Variants in PLP2 observed in about 807,000 individuals in gnomAD.
PLP2 encodes A4 differentiation-dependent protein.
In PLP2, 8 loss-of-function variants were observed where a neutral mutation model predicts 11.4. The ratio of observed to expected loss-of-function variants is 0.70; its 90% CI spans 0.41 to 1.27. PLP2 has a LOEUF of 1.27. Among genes scored for constraint, PLP2 ranks in the 50% most tolerant of loss-of-function variants. PLP2 has a pLI of 0.01. For synonymous variants in PLP2, 50 were observed against 53.2 expected (o/e 0.94, Z 0.26); for missense variants, 127 against 123.5 (o/e 1.03, Z -0.14).
intron 1 of PLP2, among the ~76,000 whole-genome samples, chrX:49,172,495 GC>G (rs1259493884): frequency 9.0e-6 from 1 of 111,319 alleles, no homozygotes; most frequent in Non-Finnish European, 1.9e-5. Flanking sequence ...TTGGGGTGGG[GC>G]CCCCCCGCCC....
chrX:49,173,785 C>T (rs1257528348), intron 3 of PLP2: 5 of 448,493 alleles, frequency 1.1e-5, no homozygotes, highest in Admixed American at 3.9e-5. Flanking sequence ...AAATTGGGGC[C>T]GGGCGCAGTG....
chrX:49,174,429 A>AGTAAGT lies in PLP2; in HGVS notation c.436+6_436+7insAAGTGT. 2 of 923,636 alleles carry AGTAAGT rather than the reference A, an allele frequency of 2.2e-6. No individual in the cohort carries two copies. Among genetic ancestry groups the AGTAAGT allele is most frequent in the Non-Finnish European group, 3.0e-6 (2 of 660,171 alleles). 76.1% of individuals were successfully genotyped at this position (923,636 alleles called of 1,213,427 possible). On this transcript the variant is annotated splice_donor_region_variant and intron_variant, in intron 4 of 4. Transcript: ENST00000376327. ...AGACATACAGCAGCCCCCACTGGTA[A>AGTAAGT]GTGTGTGTGTGTGTTGGTTGGGGGT... is the stretch of plus-strand genomic sequence containing the variant.
rs1298691497 is a variant in PLP2 at position 49,175,032 on chromosome X, C to T, written c.*338C>T. 2.6e-5 allele frequency: 10 copies of T among 381,358 alleles called. No homozygotes were observed. The highest frequency in any genetic ancestry group is 8.7e-5 in the East Asian group (2 of 23,060). The allele number at this position is 381,358 out of a possible 1,213,427, so 31.4% of individuals were successfully genotyped here. On this transcript the variant is annotated 3_prime_UTR_variant, in exon 5 of 5. Transcript: ENST00000376327. ...TGGGACCCACTCCAAATAATCTCCTCGGTGTGGGTGGTGGTTCTATAGAGG... is the reference window on the plus strand; with the variant it reads ...TGGGACCCACTCCAAATAATCTCCTTGGTGTGGGTGGTGGTTCTATAGAGG...
Position 49,173,477 on chromosome X carries a change from C to T in PLP2, c.339C>T (p.Val113=). 1.2e-5 allele frequency: 15 copies of T among 1,211,786 alleles called. No homozygotes were observed. Among genetic ancestry groups the T allele is most frequent in the Non-Finnish European group, 1.7e-5 (15 of 895,533 alleles). Reference sequence around the variant, plus strand: ...AGAGAGGAAACCACTCCAAAATCGTCGCAGGGGTAAAGGCCATGGGAGCAG... The same window carrying T: ...AGAGAGGAAACCACTCCAAAATCGTTGCAGGGGTAAAGGCCATGGGAGCAG... ...LVERGNHSKI[V]AGVLGLIATC... is the part of the protein sequence containing the mutation. The change falls in exon 3 of 5, where the codon GTC becomes GTT. Residue 113 remains valine, a synonymous_variant. Transcript: ENST00000376327.
In PLP2 at chrX:49,173,414, A is replaced by G. The variant is rs1557099462; in HGVS notation, c.276A>G (p.Ala92=). ...WSDFFRTLIA[A]ILYLITSIVV... ...ATTTCTTCCGAACCCTCATAGCGGC[A>G]ATCCTCTACCTGATCACCTCCATTG... The change falls in exon 3 of 5, where the codon GCA becomes GCG. Residue 92 remains alanine, a synonymous_variant. Coordinates refer to ENST00000376327, the MANE Select transcript of PLP2 (RefSeq NM_002668.3). 1 of 1,211,673 alleles carries G rather than the reference A, an allele frequency of 8.3e-7. No individual in the cohort carries two copies. The highest frequency in any genetic ancestry group is 1.7e-5 in the African/African-American group (1 of 57,793).
chrX:49,173,480 A>G lies in PLP2; in HGVS notation c.342A>G (p.Ala114=), dbSNP rs781924917. The G allele has an allele frequency of 1.7e-6, 2 of 1,211,780 alleles. No individual in the cohort carries two copies. Among genetic ancestry groups the G allele is most frequent in the South Asian group, 1.8e-5 (1 of 57,016 alleles). The change falls in exon 3 of 5, where the codon GCA becomes GCG. Residue 114 remains alanine, a synonymous_variant. Transcript: ENST00000376327. The part of the protein sequence containing the change: ...VERGNHSKIV[A]GVLGLIATCL... ...GAGGAAACCACTCCAAAATCGTCGC[A>G]GGGGTAAAGGCCATGGGAGCAGCTC...
At position 49,174,652 on chromosome X, in the gene PLP2, T is replaced by TAAA. The variant is rs782339544; in HGVS notation, c.437-20_437-19insAAA. 6 of 1,199,519 alleles carry TAAA rather than the reference T, an allele frequency of 5.0e-6. No individual in the cohort carries two copies. In the African/African-American group the frequency reaches 1.1e-4, roughly 21 times the overall value. ...GCATATAGATTCAGCCAATGCTTTC[T>TAAA]CTCTTTTCCTCACCTGCAGACCCCG... On this transcript the variant is annotated intron_variant, in intron 4 of 4. Transcript: ENST00000376327.
rs200730422 is a variant in PLP2, at chrX:49,174,429, A to AGTGT, written c.436+15_436+18dup. The AGTGT allele has an allele frequency of 8.6e-4, 786 of 913,434 alleles. No homozygotes were observed. Among genetic ancestry groups the AGTGT allele is most frequent in the South Asian group, 1.4e-3 (61 of 44,372 alleles). 75.3% of individuals were successfully genotyped at this position (913,434 alleles called of 1,213,427 possible). A position where few individuals can be genotyped will look rare whatever the true frequency, so the allele number is the denominator to read the frequency against. On this transcript the variant is annotated splice_donor_region_variant and intron_variant, in intron 4 of 4. Coordinates refer to ENST00000376327, the MANE Select transcript of PLP2 (RefSeq NM_002668.3). ...AGACATACAGCAGCCCCCACTGGTA[A>AGTGT]GTGTGTGTGTGTGTTGGTTGGGGGT...
Position 49,173,457 on chromosome X carries a change from G to C in PLP2, c.319G>C (p.Gly107Arg). 8.3e-7 allele frequency: 1 copy of C among 1,211,848 alleles called. No homozygotes were observed. The highest frequency in any genetic ancestry group is 1.1e-6 in the Non-Finnish European group (1 of 895,566). Residue 107 changes from glycine to arginine, a missense_variant, in exon 3 of 5, where the codon GGA becomes CGA. By Grantham distance (125) the Gly-to-Arg change is moderately radical. Coordinates refer to ENST00000376327, the MANE Select transcript of PLP2 (RefSeq NM_002668.3). The stretch of plus-strand genomic sequence containing the variant: ...CTCCATTGTTGTCCTTGTTGAGAGA[G>C]GAAACCACTCCAAAATCGTCGCAGG... ...ITSIVVLVER[G>R]NHSKIVAGVL...
In PLP2 at chrX:49,174,429, A is replaced by AGTGTGT; in HGVS notation, c.436+13_436+18dup. 3.2e-6 allele frequency: 3 copies of AGTGTGT among 923,561 alleles called. No individual in the cohort carries two copies. Among genetic ancestry groups the AGTGTGT allele is most frequent in the Non-Finnish European group, 4.5e-6 (3 of 660,099 alleles). The allele number at this position is 923,561 out of a possible 1,213,427, so 76.1% of individuals were successfully genotyped here. A position where few individuals can be genotyped will look rare whatever the true frequency, so the allele number is the denominator to read the frequency against. ...AGACATACAGCAGCCCCCACTGGTA[A>AGTGTGT]GTGTGTGTGTGTGTTGGTTGGGGGT... On this transcript the variant is annotated splice_donor_region_variant and intron_variant, in intron 4 of 4. Transcript: ENST00000376327.
intron 3 of PLP2, 149 bp from the exon 4 acceptor site, chrX:49,174,186 C>G (rs896299168): frequency 2.0e-6 from 1 of 500,334 alleles, no homozygotes; most frequent in Non-Finnish European, 3.6e-6. Flanking sequence ...GTAGGATGCA[C>G]TCTCTTGGCC....
chrX:49,172,153 C>T, intron 1 of PLP2, 57 bp downstream of exon 1: 2 of 859,997 alleles, frequency 2.3e-6, no homozygotes, highest in Non-Finnish European at 1.7e-6. Context: ...CTGGACCATG[C>T]GGAACTGGAT....
chrX:49,173,309 C>T, intron 2 of PLP2, 28 bp downstream of exon 2: 1 of 1,208,226 alleles, frequency 8.3e-7, no homozygotes, highest in Non-Finnish European at 1.1e-6. Context: ...ATGGCAAGAC[C>T]AGGGAGGGGT....
chrX:49,173,373 C>A lies in PLP2; in HGVS notation c.250-15C>A. The A allele has an allele frequency of 8.3e-7, 1 of 1,209,154 alleles. No individual in the cohort carries two copies. Reference sequence around the variant, plus strand: ...TGGTTGCTGACTTCCCTCTTCTCCTCCCTACACCTCACAGGATTTCTTCCG... The same window carrying A: ...TGGTTGCTGACTTCCCTCTTCTCCTACCTACACCTCACAGGATTTCTTCCG... On this transcript the variant is annotated splice_polypyrimidine_tract_variant and intron_variant, in intron 2 of 4. Coordinates refer to ENST00000376327, the MANE Select transcript of PLP2 (RefSeq NM_002668.3).
At chrX:49,173,611 G>A (rs2065400433) in intron 3 of PLP2, 128 bp downstream of exon 3, 1 of 1,160,296 alleles carries the variant, frequency 8.6e-7, no homozygotes, top group South Asian at 1.9e-5. Flanking sequence ...CAGACATGGA[G>A]GAAAGTCTGG....
In PLP2 at chrX:49,173,167, C is replaced by A. The variant is rs372493258; in HGVS notation, c.135C>A (p.Ser45=). The A allele has an allele frequency of 5.0e-6, 6 of 1,207,109 alleles. No homozygotes were observed. The African/African-American group carries it at 1.1e-4, about 21-fold the overall frequency. Residue 45 remains serine, a synonymous_variant, in exon 2 of 5, where the codon TCC becomes TCA. Transcript: ENST00000376327. ...TGATCCTGATCTGCTTCAGTGCCTC[C>A]ACACCAGGCTACTCCTCCCTGTCGG... The part of the protein sequence containing the change: ...CLVILICFSA[S]TPGYSSLSVI...
chrX:49,174,866 G>C lies in PLP2; in HGVS notation c.*172G>C, dbSNP rs1321435498. The C allele has an allele frequency of 1.2e-5, 6 of 511,051 alleles. No individual in the cohort carries two copies. The highest frequency in any genetic ancestry group is 2.1e-5 in the Non-Finnish European group (6 of 282,088). 42.1% of individuals were successfully genotyped at this position (511,051 alleles called of 1,213,427 possible). On this transcript the variant is annotated 3_prime_UTR_variant, in exon 5 of 5. Transcript: ENST00000376327. Reference sequence around the variant, plus strand: ...CCAGCCTGCCAATCAACCCTCCTGGGTGTGGCCACCATATGTGTGTGCCTA... The same window carrying C: ...CCAGCCTGCCAATCAACCCTCCTGGCTGTGGCCACCATATGTGTGTGCCTA...
chrX:49,173,317 G>A lies in PLP2; in HGVS notation c.249+36G>A, dbSNP rs182111869. 6 of 1,204,649 alleles carry A rather than the reference G, an allele frequency of 5.0e-6. No homozygotes were observed. The African/African-American group carries it at 1.1e-4, about 21-fold the overall frequency. On this transcript the variant is annotated intron_variant, in intron 2 of 4. Coordinates refer to ENST00000376327, the MANE Select transcript of PLP2 (RefSeq NM_002668.3). ...GTCCACAATGGCAAGACCAGGGAGG[G>A]GTCTGGGCAGTTAGGATTGTCGGGG...
At position 49,171,933 on chromosome X, in the gene PLP2, T is replaced by C; in HGVS notation, c.-68T>C. On this transcript the variant is annotated 5_prime_UTR_variant, in exon 1 of 5. Transcript: ENST00000376327. ...AGACGGCGGGCAAGACAGCTGGGTGTACAGCGTCCTCGAAACCACGAGCAA... is the reference window on the plus strand; with the variant it reads ...AGACGGCGGGCAAGACAGCTGGGTGCACAGCGTCCTCGAAACCACGAGCAA... The C allele has an allele frequency of 1.3e-6, 1 of 769,589 alleles. No homozygotes were observed. The highest frequency in any genetic ancestry group is 2.0e-6 in the Non-Finnish European group (1 of 508,508). The allele number at this position is 769,589 out of a possible 1,213,427, so 63.4% of individuals were successfully genotyped here. A position where few individuals can be genotyped will look rare whatever the true frequency, so the allele number is the denominator to read the frequency against.
Sources: allele counts gnomAD v4.1 joint callset (sites outside exome capture counted in the v4.1 genomes callset), GRCh38; gene constraint gnomAD v4.1.1; transcripts MANE v1.5; gene names NCBI Gene and HGNC (gene_info 2026-07-23, HGNC 2026-07-21).